MDC1: variants seen among roughly 807,000 people sequenced by gnomAD.
MDC1 encodes the protein mediator of DNA damage checkpoint protein 1.
A neutral mutation model predicts 142.5 loss-of-function variants in MDC1; 81 were observed. The ratio of observed to expected loss-of-function variants is 0.57; its 90% CI spans 0.47 to 0.68. MDC1 has a LOEUF of 0.68. Among genes scored for constraint, MDC1 ranks in the 30% least tolerant of loss-of-function variants. The pLI is 0.00. For missense variants in MDC1, 2,119 were observed against 2,547.9 expected, an observed-to-expected ratio of 0.83 and a Z score of 3.62; for synonymous variants, 797 against 968.4, an observed-to-expected ratio of 0.82 and a Z score of 3.29.
rs759742550 is a variant in MDC1 at position 30,700,564 on chromosome 6, C to G, written c.6171G>C (p.Leu2057=). 6.2e-7 allele frequency: 1 copy of G among 1,612,948 alleles called. No homozygotes were observed. Among genetic ancestry groups the G allele is most frequent in the East Asian group, 2.2e-5 (1 of 44,880 alleles). ...PHCSIPLRVG[L]PLLSPEFLLT... Reference sequence around the variant, plus strand: ...GCAGGAACTCAGGCGAGAGGAGGGGCAGCCCAACCCGTAGTGGAATGGAGC... The same window carrying G: ...GCAGGAACTCAGGCGAGAGGAGGGGGAGCCCAACCCGTAGTGGAATGGAGC... Residue 2057 remains leucine (L), a synonymous_variant, in exon 15 of 15, where the codon CTG becomes CTC. Coordinates refer to ENST00000376406, the MANE Select transcript of MDC1 (RefSeq NM_014641.3).
chr6:30,711,594 AC>A, intron 6 of MDC1, 72 bp downstream of exon 6: 1 of 1,602,104 alleles, frequency 6.2e-7, no homozygotes, highest in South Asian at 1.1e-5. Context: ...ACTAGCCTTT[AC>A]CCTTCAAGGA....
In MDC1 at chr6:30,711,997, C is replaced by A. The variant is rs201758350; in HGVS notation, c.1945G>T (p.Val649Leu). The A allele has an allele frequency of 1.9e-6, 3 of 1,599,166 alleles. No homozygotes were observed. Among genetic ancestry groups the A allele is most frequent in the Non-Finnish European group, 1.7e-6 (2 of 1,173,182 alleles). The part of the protein sequence containing the change: ...PISRENLTDL[V>L]VDTDTLGEST... ...TCCCCTAGAGTGTCTGTGTCCACCA[C>A]CAGATCTGTGAGGTTCTCTCTTGAG... Residue 649 changes from valine to leucine, a missense_variant, in exon 5 of 15, where the codon GTG becomes TTG. By Grantham distance (32) the Val-to-Leu change is conservative. Coordinates refer to ENST00000376406, the MANE Select transcript of MDC1 (RefSeq NM_014641.3).
chr6:30,703,826 G>C lies in MDC1; in HGVS notation c.5357C>G (p.Ser1786Cys). ...PQLLETPIHA[S>C]QIQKVEPAGR... ...TGCTGGTTCCACCTTTTGGATCTGG[G>C]AGGCATGAATTGGTGTCTCAAGAAG... Residue 1786 changes from serine (S) to cysteine (C), a missense_variant, in exon 10 of 15, where the codon TCC (serine) becomes TGC (cysteine). By Grantham distance (112) the Ser-to-Cys change is moderately radical. Transcript: ENST00000376406. This position sits in a 1 kb window ranked among gnomAD's most constrained non-coding sequence, Gnocchi z 4.4. The C allele has an allele frequency of 6.2e-7, 1 of 1,610,802 alleles. No homozygotes were observed. The highest frequency in any genetic ancestry group is 1.1e-5 in the South Asian group (1 of 90,556).
intron 2 of MDC1, 150 bp downstream of exon 2, chr6:30,714,890 A>G (rs1208077239): frequency 7.8e-6 from 6 of 771,420 alleles, no homozygotes; most frequent in Non-Finnish European, 1.2e-5. Context: ...GTCTGCAACT[A>G]TCAACTCAAT....
intron 12 of MDC1, 63 bp from the exon 13 acceptor site, chr6:30,702,940 G>T: frequency 1.2e-5 from 20 of 1,607,588 alleles, no homozygotes; most frequent in Non-Finnish European, 1.5e-5. Flanking sequence ...CTGCTGCCTA[G>T]CATTTAGAGA....
intron 9 of MDC1, among the ~76,000 whole-genome samples, chr6:30,706,478 C>T (rs9501484): frequency 0.048 from 7,334 of 151,954 alleles, 342 homozygotes; most frequent in African/African-American, 0.12. Context: ...AAAAATTAGC[C>T]GGGCGTGGTG....
Position 30,714,004 on chromosome 6 carries a change from C to A in MDC1, c.316G>T (p.Val106Phe). Residue 106 changes from valine to phenylalanine, a missense_variant, in exon 3 of 15, where the codon GTT (valine) becomes TTT (phenylalanine). By Grantham distance (50) the Val-to-Phe change is conservative. Coordinates refer to ENST00000376406, the MANE Select transcript of MDC1 (RefSeq NM_014641.3). ...NGTQILRPPKVLSPGVSHRLR... is the reference protein window; with the variant it reads ...NGTQILRPPKFLSPGVSHRLR... ...CGGTGACTCACCCCAGGGCTCAAAA[C>A]CTTAGGAGGTCTCAGGATTTGAGTA... 6.2e-7 allele frequency: 1 copy of A among 1,612,938 alleles called. No individual in the cohort carries two copies. The highest frequency in any genetic ancestry group is 1.1e-5 in the South Asian group (1 of 91,066).
rs776966302 is a variant in MDC1, at chr6:30,705,577, A to C, written c.3606T>G (p.Val1202=). The change falls in exon 10 of 15, where the codon GTT becomes GTG. Residue 1202 remains valine, a synonymous_variant. Coordinates refer to ENST00000376406, the MANE Select transcript of MDC1 (RefSeq NM_014641.3). ...SRSSVKTPET[V]VPTALELQPS... is the part of the protein sequence containing the mutation. ...GCTGGAGCTCAAGGGCTGTGGGCAC[A>C]ACTGTTTCAGGGGTCTTGACAGAGG... The C allele has an allele frequency of 6.2e-7, 1 of 1,606,332 alleles. No individual in the cohort carries two copies. The highest frequency in any genetic ancestry group is 8.5e-7 in the Non-Finnish European group (1 of 1,176,820).
chr6:30,716,974 C>A lies in MDC1; in HGVS notation c.-4+271G>T. The A allele has an allele frequency of 1.1e-6, 1 of 951,928 alleles. No homozygotes were observed. Among genetic ancestry groups the A allele is most frequent in the Non-Finnish European group, 1.3e-6 (1 of 799,430 alleles). The allele number at this position is 951,928 out of a possible 1,614,324, so 59.0% of individuals were successfully genotyped here. ...GTGTCAACTCCGTCTTTATGACAGG[C>A]CAACTCAGCGGGTGCCCACCACGCT... On this transcript the variant is annotated intron_variant, in intron 1 of 14. Coordinates refer to ENST00000376406, the MANE Select transcript of MDC1 (RefSeq NM_014641.3). This position sits in a 1 kb window ranked among gnomAD's most constrained non-coding sequence, Gnocchi z 4.4.
chr6:30,702,935 G>A, intron 12 of MDC1, 58 bp from the exon 13 acceptor site: 2 of 1,610,458 alleles, frequency 1.2e-6, no homozygotes, highest in South Asian at 2.2e-5. Flanking sequence ...CAGCTCTGCT[G>A]CCTAGCATTT....
rs1772383497 is a variant in MDC1 at position 30,700,103 on chromosome 6, A to G, written c.*362T>C. 1 of 246,386 alleles carries G rather than the reference A, an allele frequency of 4.1e-6. No individual in the cohort carries two copies. The highest frequency in any genetic ancestry group is 7.9e-6 in the Non-Finnish European group (1 of 127,264). 15.3% of individuals were successfully genotyped at this position (246,386 alleles called of 1,614,324 possible). On this transcript the variant is annotated 3_prime_UTR_variant, in exon 15 of 15. Transcript: ENST00000376406. ...GACACCATGAGTGGCATCGAGCAATAACTGCAACAGTCTGGCTAAAGATAG... is the reference window on the plus strand; with the variant it reads ...GACACCATGAGTGGCATCGAGCAATGACTGCAACAGTCTGGCTAAAGATAG...
At position 30,702,872 on chromosome 6, in the gene MDC1, G is replaced by C. The variant is rs779306353; in HGVS notation, c.5871C>G (p.Arg1957=). 6.2e-7 allele frequency: 1 copy of C among 1,613,088 alleles called. No individual in the cohort carries two copies. Among genetic ancestry groups the C allele is most frequent in the South Asian group, 1.1e-5 (1 of 91,086 alleles). The change falls in exon 13 of 15, where the codon CGC becomes CGG. Residue 1957 remains arginine, a synonymous_variant. Coordinates refer to ENST00000376406, the MANE Select transcript of MDC1 (RefSeq NM_014641.3). ...ILSLDWLHQS[R]KAGFFLPPDE... is the part of the protein sequence containing the mutation. The stretch of plus-strand genomic sequence containing the variant: ...CCGGGGGTAAGAAGAAACCAGCCTT[G>C]CGGGACTAAGGACGGCAGCAGTCAG...
rs771933981 is a variant in MDC1 at position 30,706,095 on chromosome 6, C to T, written c.3088G>A (p.Asp1030Asn). Residue 1030 changes from aspartate (D) to asparagine (N), a missense_variant, in exon 10 of 15, where the codon GAT becomes AAT. Asp to Asn is a conservative substitution (Grantham distance 23). Transcript: ENST00000376406. ...IRAAEKVSRG[D>N]QESPDACLPP... is the part of the protein sequence containing the mutation. ...AGACAAGCATCTGGAGATTCCTGAT[C>T]GCCCTAGGGAGAAACAGAAGCAAGT... 3.8e-6 allele frequency: 6 copies of T among 1,570,266 alleles called. No homozygotes were observed. Among genetic ancestry groups the T allele is most frequent in the Middle Eastern group, 1.7e-4 (1 of 5,866 alleles).
At position 30,703,179 on chromosome 6, in the gene MDC1, G is replaced by T. The variant is rs1184281437; in HGVS notation, c.5790C>A (p.Arg1930=). The T allele has an allele frequency of 3.7e-6, 6 of 1,613,006 alleles. No homozygotes were observed. Among genetic ancestry groups the T allele is most frequent in the African/African-American group, 1.3e-5 (1 of 74,938 alleles). ...ACAGGAACTTGACTGTCCGGCGGAT[G>T]CGATCAGTGACCAGGTGGGAAGCCT... ...AAEASHLVTD[R]IRRTVKFLCA... is the part of the protein sequence containing the mutation. The change falls in exon 12 of 15, where the codon CGC becomes CGA. Residue 1930 remains arginine, a synonymous_variant. Transcript: ENST00000376406. This position sits in a 1 kb window ranked among gnomAD's most constrained non-coding sequence, Gnocchi z 4.4.
chr6:30,707,948 A>G lies in MDC1; in HGVS notation c.2631T>C (p.Asn877=). The G allele has an allele frequency of 6.2e-7, 1 of 1,612,586 alleles. No individual in the cohort carries two copies. The highest frequency in any genetic ancestry group is 8.5e-7 in the Non-Finnish European group (1 of 1,179,928). The stretch of plus-strand genomic sequence containing the variant: ...CTCTTTCAGGACTTGCACTTTCCCC[A>G]TTTTTGTCAGATTCTTGTCTCTGGG... The part of the protein sequence containing the change: ...RDTQRQESDK[N]GESASPERDR... The change falls in exon 8 of 15, where the codon AAT becomes AAC. Residue 877 remains asparagine (N), a synonymous_variant. Transcript: ENST00000376406.
At position 30,704,360 on chromosome 6, in the gene MDC1, G is replaced by A. The variant is rs1271905871; in HGVS notation, c.4823C>T (p.Thr1608Ile). The A allele has an allele frequency of 5.0e-6, 8 of 1,613,152 alleles. No homozygotes were observed. The highest frequency in any genetic ancestry group is 6.8e-6 in the Non-Finnish European group (8 of 1,179,806). The stretch of plus-strand genomic sequence containing the variant: ...GGCTGTGGGGACAACTGGCTCAGGG[G>A]TCTTGACAGAGGACCTATTTGTCCT... ...RCRTNRSSVK[T>I]PEPVVPTAPE... Residue 1608 changes from threonine (T) to isoleucine (I), a missense_variant, in exon 10 of 15, where the codon ACC becomes ATC. Thr to Ile is a moderately conservative substitution (Grantham distance 89). Coordinates refer to ENST00000376406, the MANE Select transcript of MDC1 (RefSeq NM_014641.3).
At position 30,707,395 on chromosome 6, in the gene MDC1, T is replaced by C. The variant is rs754761638; in HGVS notation, c.3073A>G (p.Lys1025Glu). 1 of 1,613,076 alleles carries C rather than the reference T, an allele frequency of 6.2e-7. No homozygotes were observed. The highest frequency in any genetic ancestry group is 1.7e-5 in the Admixed American group (1 of 60,022). The change falls in exon 9 of 15, where the codon AAG becomes GAG. Residue 1025 changes from lysine to glutamate, a missense_variant. Physicochemically the swap from Lys to Glu is moderately conservative, Grantham distance 56 (BLOSUM62 1). Transcript: ENST00000376406. ...EKASRIRAAEKVSRGDQESPD... is the reference protein window; with the variant it reads ...EKASRIRAAEEVSRGDQESPD... ...AAAGTAGCTCTCACCCTGGAAACCTTCTCAGCAGCTCTGATCCTGGAAGCC... is the reference window on the plus strand; with the variant it reads ...AAAGTAGCTCTCACCCTGGAAACCTCCTCAGCAGCTCTGATCCTGGAAGCC...
In MDC1 at chr6:30,713,561, G is replaced by T; in HGVS notation, c.587+87C>A. ...ATGGTTCCCCAGCCCCAACTCTCAT[G>T]ATAATCATCTCTTTTAGAGATTGAT... On this transcript the variant is annotated intron_variant, in intron 4 of 14. Transcript: ENST00000376406. The surrounding 1 kb of genome is among the most constrained non-coding windows in gnomAD (Gnocchi z 4.9). 2 of 1,412,674 alleles carry T rather than the reference G, an allele frequency of 1.4e-6. No individual in the cohort carries two copies. The highest frequency in any genetic ancestry group is 1.9e-6 in the Non-Finnish European group (2 of 1,026,234). 87.5% of individuals were successfully genotyped at this position (1,412,674 alleles called of 1,614,324 possible).
Position 30,705,146 on chromosome 6 carries a change from G to A in MDC1, c.4037C>T (p.Pro1346Leu), listed in dbSNP as rs143939012. The A allele has an allele frequency of 3.2e-5, 51 of 1,607,890 alleles. No individual in the cohort carries two copies. In the African/African-American group the frequency reaches 6.3e-4, roughly 20 times the overall value. ...CCTGCTCCTAGTGGTCCGAGATGTG[G>A]GCTTAGGGGTGACAGGTTGGTCTGT... ...TSTDQPVTPKPTSRTTRSRTN... is the reference protein window; with the variant it reads ...TSTDQPVTPKLTSRTTRSRTN... Residue 1346 changes from proline (P) to leucine (L), a missense_variant, in exon 10 of 15, where the codon CCC becomes CTC. By Grantham distance (98) the Pro-to-Leu change is moderately conservative. Coordinates refer to ENST00000376406, the MANE Select transcript of MDC1 (RefSeq NM_014641.3).
Sources: gnomAD v4.1 joint callset for allele counts (sites outside exome capture counted in the v4.1 genomes callset) on GRCh38, gnomAD v4.1.1 for gene constraint, Gnocchi (gnomAD v3.1) non-coding constraint, MANE v1.5 for transcripts, NCBI Gene and HGNC (gene_info 2026-07-23, HGNC 2026-07-21) for gene names.